The following EIF3L variants were observed in gnomAD, a reference collection of about 807,000 sequenced individuals.
EIF3L encodes eukaryotic translation initiation factor 3 subunit L.
In EIF3L, 32 loss-of-function variants were observed where a neutral mutation model predicts 74.6. The ratio of observed to expected loss-of-function variants is 0.43; its 90% CI spans 0.32 to 0.58. The LOEUF is 0.58. Ranked by LOEUF, EIF3L falls within the 20% of genes least tolerant of loss-of-function variation. The pLI, the probability that EIF3L is intolerant of heterozygous loss-of-function variation, is 0.06. For synonymous variants in EIF3L, 256 were observed against 254.4 expected (o/e 1.01, Z -0.06); for missense variants, 474 against 707.8 (o/e 0.67, Z 3.75).
At chr22:37,850,921 A>C (rs1256698307) in intron 2 of EIF3L, among the ~76,000 whole-genome samples, 1 of 152,182 alleles carries the variant, frequency 6.6e-6, no homozygotes, top group Non-Finnish European at 1.5e-5. Flanking sequence ...TCATTCAAGA[A>C]ATATTAAGTA....
intron 11 of EIF3L, chr22:37,885,326 C>T (rs1255373163): frequency 1.3e-5 from 2 of 152,140 alleles, no homozygotes; most frequent in Non-Finnish European, 2.9e-5. Flanking sequence ...CTATTCTCAA[C>T]TAATCTGGGT....
At chr22:37,859,649 T>A (rs894355753) in intron 5 of EIF3L, among the ~76,000 whole-genome samples, 2 of 151,542 alleles carry the variant, frequency 1.3e-5, no homozygotes, top group African/African-American at 4.8e-5. Flanking sequence ...CCCAAAGTGC[T>A]GGGATGACAG....
At position 37,877,784 on chromosome 22, in the gene EIF3L, C is replaced by G; in HGVS notation, c.1188C>G (p.Asp396Glu). The G allele has an allele frequency of 6.2e-7, 1 of 1,613,864 alleles. No individual in the cohort carries two copies. Among genetic ancestry groups the G allele is most frequent in the South Asian group, 1.1e-5 (1 of 91,072 alleles). The change falls in exon 11 of 13, where the codon GAC becomes GAG. Residue 396 changes from aspartate (D) to glutamate (E), a missense_variant. Physicochemically the swap from Asp to Glu is conservative, Grantham distance 45 (BLOSUM62 2). Coordinates refer to ENST00000652021, the MANE Select transcript of EIF3L (RefSeq NM_016091.4). ...TCCAGCTGCGGGAGAAATATGGGGA[C>G]AAGATGTTGCGCATGCAGAAAGGTG... is the stretch of plus-strand genomic sequence containing the variant. ...IHLQLREKYG[D>E]KMLRMQKGDP...
At chr22:37,858,644 T>C (rs753312844) in intron 4 of EIF3L, 35 bp from the exon 5 acceptor site, 1 of 1,595,608 alleles carries the variant, frequency 6.3e-7, no homozygotes. Context: ...CCCAGTTTTA[T>C]GGTTAGTGAA....
intron 7 of EIF3L, among the ~76,000 whole-genome samples, chr22:37,867,264 A>G (rs755417995): frequency 1.3e-5 from 2 of 152,034 alleles, no homozygotes; most frequent in East Asian, 1.9e-4. Flanking sequence ...TCAGCCTCCA[A>G]AAGTGCTGGG....
At chr22:37,849,647 G>T (rs1288865856) in intron 1 of EIF3L, 165 bp downstream of exon 1, 6 of 752,878 alleles carry the variant, frequency 8.0e-6, no homozygotes, top group Non-Finnish European at 1.3e-5. Flanking sequence ...AGACAACCCT[G>T]GCTCTGCCCG....
At chr22:37,857,517 G>A (rs911601987) in intron 4 of EIF3L, among the ~76,000 whole-genome samples, 2 of 151,162 alleles carry the variant, frequency 1.3e-5, no homozygotes, top group African/African-American at 4.9e-5. Context: ...TATAGCTAAC[G>A]TTTTTTTGAA....
At chr22:37,852,622 C>CT (rs1925286176) in intron 3 of EIF3L, among the ~76,000 whole-genome samples, 1 of 151,976 alleles carries the variant, frequency 6.6e-6, no homozygotes, top group South Asian at 2.1e-4. Context: ...CATGTGTTTT[C>CT]TTTTTTTGTT....
chr22:37,878,762 C>A (rs1926890881), intron 11 of EIF3L: 1 of 152,436 alleles, frequency 6.6e-6, no homozygotes, highest in Admixed American at 6.5e-5. Context: ...TATAATTAAA[C>A]AATAGATGTT....
chr22:37,851,009 TG>T (rs562440903), intron 2 of EIF3L, among the ~76,000 whole-genome samples: 464 of 152,326 alleles, frequency 3.0e-3, no homozygotes, highest in African/African-American at 0.011. Flanking sequence ...AGGGTATGTC[TG>T]AGTACAAGAC....
At chr22:37,850,405 C>T (rs1925126375) in intron 2 of EIF3L, 3 of 250,730 alleles carry the variant, frequency 1.2e-5, no homozygotes, top group South Asian at 1.2e-4. Flanking sequence ...GCGATCTCGG[C>T]TCACTGCAAC....
chr22:37,862,913 G>A (rs559310373), intron 5 of EIF3L, 56 bp from the exon 6 acceptor site: 4 of 1,362,254 alleles, frequency 2.9e-6, no homozygotes, highest in East Asian at 2.3e-5. Flanking sequence ...TATACCATGG[G>A]TAAAACACAT....
intron 8 of EIF3L, among the ~76,000 whole-genome samples, chr22:37,870,703 T>A (rs967151395): frequency 2.6e-5 from 4 of 151,876 alleles, no homozygotes; most frequent in East Asian, 1.9e-4. Flanking sequence ...TTTTAAAAAA[T>A]TTTTTTCTTT....
At chr22:37,866,561 G>A (rs1926161097) in intron 7 of EIF3L, among the ~76,000 whole-genome samples, 1 of 152,130 alleles carries the variant, frequency 6.6e-6, no homozygotes. Context: ...CAAGGCGGGT[G>A]GATCACGAGG....
Position 37,888,463 on chromosome 22 carries a change from G to A in EIF3L, c.1694G>A (p.Ter565=), listed in dbSNP as rs372781791. The change falls in exon 13 of 13, where the codon TGA becomes TAA. Residue 565 remains the stop codon, a stop_retained_variant. Coordinates refer to ENST00000652021, the MANE Select transcript of EIF3L (RefSeq NM_016091.4). ...RTLKKMGQRP[*] ...CTGAAGAAGATGGGACAGAGACCTT[G>A]ATGATATTCACACACATTCAGGAAC... 6.1e-5 allele frequency: 98 copies of A among 1,613,566 alleles called. 1 individual carries two copies. Among genetic ancestry groups the A allele is most frequent in the Middle Eastern group, 1.7e-4 (1 of 5,722 alleles).
chr22:37,861,987 G>A (rs1281531000), intron 5 of EIF3L, among the ~76,000 whole-genome samples: 1 of 152,184 alleles, frequency 6.6e-6, no homozygotes, highest in East Asian at 1.9e-4. Flanking sequence ...TGTGCTTAAT[G>A]TATTAAGCAC....
At chr22:37,870,145 A>G (rs1452318064) in intron 7 of EIF3L, 31 bp from the exon 8 acceptor site, 8 of 1,560,430 alleles carry the variant, frequency 5.1e-6, no homozygotes, top group African/African-American at 1.4e-5. Context: ...GGCTTATACC[A>G]CTACTGCATG....
intron 12 of EIF3L, chr22:37,888,191 A>G (rs1193144452): frequency 2.1e-6 from 1 of 481,706 alleles, no homozygotes; most frequent in African/African-American, 2.0e-5. Context: ...TGGATAGAGC[A>G]GTGTTGTGTA....
At chr22:37,850,980 C>A (rs1053800709) in intron 2 of EIF3L, among the ~76,000 whole-genome samples, 5 of 152,188 alleles carry the variant, frequency 3.3e-5, no homozygotes, top group African/African-American at 1.2e-4. Flanking sequence ...CCCTCCAACG[C>A]ACACTTTTCT....
Sources: allele counts gnomAD v4.1 joint callset (sites outside exome capture counted in the v4.1 genomes callset), GRCh38; gene constraint gnomAD v4.1.1; transcripts MANE v1.5; gene names NCBI Gene and HGNC (gene_info 2026-07-23, HGNC 2026-07-21).